Variants in PROS1 observed in about 807,000 individuals in gnomAD.
The protein encoded by PROS1 is protein S.
PROS1 carries 29 observed loss-of-function variants against 75.9 expected under a neutral mutation model. That is an observed-to-expected ratio of 0.38 (90% confidence interval 0.28 to 0.52). The LOEUF is 0.52. Ranked by LOEUF, PROS1 falls within the 20% of genes least tolerant of loss-of-function variation. The probability of loss-of-function intolerance (pLI) is 0.83; values close to 1 mark genes in which losing one functional copy is unlikely to be tolerated. For synonymous variants in PROS1, 245 were observed against 280.6 expected, an observed-to-expected ratio of 0.87 and a Z score of 1.27; for missense variants, 680 against 810.3, an observed-to-expected ratio of 0.84 and a Z score of 1.95.
chr3:93,948,304 A>G (rs1294074482), intron 1 of PROS1, among the ~76,000 whole-genome samples: 1 of 152,172 alleles, frequency 6.6e-6, no homozygotes, highest in Non-Finnish European at 1.5e-5. Context: ...CTGCAATGAA[A>G]AGAAAAAAAT....
At chr3:93,915,546 T>G (rs1359955276) in intron 3 of PROS1, among the ~76,000 whole-genome samples, 2 of 152,246 alleles carry the variant, frequency 1.3e-5, no homozygotes, top group Non-Finnish European at 2.9e-5. Context: ...GCTATCCTAG[T>G]ACTTATCTCT....
intron 1 of PROS1, chr3:93,928,851 C>T (rs139725087): frequency 3.1e-4 from 224 of 726,668 alleles, no homozygotes; most frequent in African/African-American, 3.1e-3. Context: ...AGAGAATAAA[C>T]GGGAAATAAA....
chr3:93,896,883 T>A (rs1020521455), intron 8 of PROS1, among the ~76,000 whole-genome samples, 192 bp from the exon 9 acceptor site: 6 of 152,188 alleles, frequency 3.9e-5, no homozygotes, highest in Non-Finnish European at 5.9e-5. Flanking sequence ...TCTATCAGTA[T>A]AACCTCCAAG....
At chr3:93,882,555 C>A (rs1230130231) in intron 12 of PROS1, among the ~76,000 whole-genome samples, 3 of 152,172 alleles carry the variant, frequency 2.0e-5, no homozygotes, top group African/African-American at 7.2e-5. Context: ...CAAGGAAAGC[C>A]AGAATGAGAA....
intron 3 of PROS1, among the ~76,000 whole-genome samples, chr3:93,914,461 T>G (rs893576371): frequency 6.6e-6 from 1 of 152,156 alleles, no homozygotes; most frequent in Non-Finnish European, 1.5e-5. Context: ...ATGGATGGGA[T>G]GGCCAAGGGA....
chr3:93,932,888 T>G (rs1204828356), intron 1 of PROS1, among the ~76,000 whole-genome samples: 1 of 152,216 alleles, frequency 6.6e-6, no homozygotes, highest in African/African-American at 2.4e-5. Context: ...AAGGATGAGG[T>G]GGCAGATGGA....
Position 93,927,794 on chromosome 3 carries a change from G to A in PROS1, c.77-387C>T, listed in dbSNP as rs564572984. Among the ~76,000 whole-genome samples the A allele has an allele frequency of 6.7e-5, 10 of 148,406 alleles. No homozygotes were observed. In the South Asian group the frequency reaches 1.9e-3, roughly 29 times the overall value. The stretch of plus-strand genomic sequence containing the variant: ...ATGTGGGAGGTCCACCTGAACCCAG[G>A]TGGTTCAAACCCAGCCTGGGCAAAA... On this transcript the variant is annotated intron_variant, in intron 1 of 14. Transcript: ENST00000394236.
intron 6 of PROS1, among the ~76,000 whole-genome samples, chr3:93,903,552 C>A (rs1708629283): frequency 6.6e-6 from 1 of 152,006 alleles, no homozygotes; most frequent in African/African-American, 2.4e-5. Flanking sequence ...CACCTGTAGT[C>A]CCAGCTACTT....
At chr3:93,960,888 T>G (rs943522770) in intron 1 of PROS1, among the ~76,000 whole-genome samples, 1 of 151,692 alleles carries the variant, frequency 6.6e-6, no homozygotes, top group African/African-American at 2.4e-5. Context: ...AAAATAGAGT[T>G]GTTCAGGTTT....
At chr3:93,961,044 A>C (rs1709699072) in intron 1 of PROS1, among the ~76,000 whole-genome samples, 1 of 152,176 alleles carries the variant, frequency 6.6e-6, no homozygotes, top group African/African-American at 2.4e-5. Flanking sequence ...GACCCTGCAA[A>C]GCTTTATGAT....
chr3:93,917,872 C>T (rs911152239), intron 3 of PROS1, among the ~76,000 whole-genome samples: 21 of 152,178 alleles, frequency 1.4e-4, no homozygotes, highest in African/African-American at 3.9e-4. Flanking sequence ...CCTCCCCCGC[C>T]TCTGTGGGCT....
At chr3:93,927,939 GTA>G (rs1254415461) in intron 1 of PROS1, among the ~76,000 whole-genome samples, 18 of 105,064 alleles carry the variant, frequency 1.7e-4, no homozygotes, top group African/African-American at 3.1e-4. Context: ...ATATATATAT[GTA>G]TATATATATA....
At chr3:93,917,693 C>T (rs1576193421) in intron 3 of PROS1, among the ~76,000 whole-genome samples, 3 of 152,152 alleles carry the variant, frequency 2.0e-5, no homozygotes, top group African/African-American at 7.2e-5. Context: ...AGCCGGCCGG[C>T]CCTGCCAGCA....
At chr3:93,959,156 A>G (rs1559952154) in intron 1 of PROS1, among the ~76,000 whole-genome samples, 1 of 152,024 alleles carries the variant, frequency 6.6e-6, no homozygotes, top group Admixed American at 6.6e-5. Context: ...CCTAGGCAAC[A>G]TGGCCAAAAT....
intron 9 of PROS1, among the ~76,000 whole-genome samples, chr3:93,895,646 C>CA (rs1053775035): frequency 1.3e-4 from 20 of 151,554 alleles, no homozygotes; most frequent in East Asian, 7.7e-4. Context: ...CTCATTATTC[C>CA]AAAAAAAATC....
intron 1 of PROS1, among the ~76,000 whole-genome samples, chr3:93,972,825 G>A (rs578232509): frequency 1.3e-5 from 2 of 152,198 alleles, no homozygotes; most frequent in South Asian, 4.1e-4. Flanking sequence ...GTCCAGCCTG[G>A]GCAGCAGAGC....
chr3:93,917,867 C>T (rs1708882341), intron 3 of PROS1, among the ~76,000 whole-genome samples: 3 of 152,178 alleles, frequency 2.0e-5, no homozygotes, highest in African/African-American at 7.2e-5. Flanking sequence ...CTGAGCCTCC[C>T]CCGCCTCTGT....
intron 12 of PROS1, among the ~76,000 whole-genome samples, chr3:93,881,910 C>A (rs1302095150): frequency 2.0e-5 from 3 of 152,004 alleles, no homozygotes; most frequent in Non-Finnish European, 4.4e-5. Flanking sequence ...TAATTTTTTT[C>A]TTAAAGCAGA....
At chr3:93,892,446 G>T (rs563791613) in intron 10 of PROS1, among the ~76,000 whole-genome samples, 10 of 152,004 alleles carry the variant, frequency 6.6e-5, no homozygotes, top group African/African-American at 2.4e-4. Flanking sequence ...CCAACACGGA[G>T]AAACCCCGTC....
Sources: allele counts gnomAD v4.1 joint callset (sites outside exome capture counted in the v4.1 genomes callset), GRCh38; gene constraint gnomAD v4.1.1; transcripts MANE v1.5; gene names NCBI Gene and HGNC (gene_info 2026-07-23, HGNC 2026-07-21).